Variants in RCN1 observed in about 807,000 individuals in gnomAD.
The protein encoded by RCN1 is reticulocalbin-1.
In RCN1, 14 loss-of-function variants were observed where a neutral mutation model predicts 34.7. That is an observed-to-expected ratio of 0.40 (90% CI 0.27 to 0.63). The LOEUF is 0.63. RCN1 is among the 30% of genes least tolerant of loss of function. The pLI is 0.37. For synonymous variants in RCN1, 125 were observed against 165.5 expected, an observed-to-expected ratio of 0.76 and a Z score of 1.88; for missense variants, 326 against 425.1, an observed-to-expected ratio of 0.77 and a Z score of 2.05.
intron 2 of RCN1, 73 bp downstream of exon 2, chr11:32,097,410 T>A: frequency 9.1e-7 from 1 of 1,104,912 alleles, no homozygotes; most frequent in Non-Finnish European, 1.3e-6. Context: ...CTCTCTTCTC[T>A]TATCATATCC....
chr11:32,098,842 T>G (rs1242176677), intron 3 of RCN1, among the ~76,000 whole-genome samples: 1 of 152,152 alleles, frequency 6.6e-6, no homozygotes, highest in Non-Finnish European at 1.5e-5. Context: ...CTCTGCCATC[T>G]TGTAGCTTCA....
intron 1 of RCN1, among the ~76,000 whole-genome samples, chr11:32,092,588 C>A (rs957298425): frequency 6.6e-6 from 1 of 152,040 alleles, no homozygotes; most frequent in Non-Finnish European, 1.5e-5. Context: ...AACAAAACTT[C>A]GGCGCATTTT....
At chr11:32,104,130 T>G (rs1852079892) in intron 5 of RCN1, among the ~76,000 whole-genome samples, 1 of 152,198 alleles carries the variant, frequency 6.6e-6, no homozygotes, top group Non-Finnish European at 1.5e-5. Context: ...GGATTCTAGC[T>G]TCTGAATTAC....
chr11:32,096,268 T>A (rs1851972123), intron 1 of RCN1, among the ~76,000 whole-genome samples: 3 of 152,164 alleles, frequency 2.0e-5, no homozygotes, highest in Admixed American at 6.5e-5. Flanking sequence ...GTTTTTGAAG[T>A]TCCCCACTGG....
chr11:32,105,654 C>T lies in RCN1; in HGVS notation c.*1182C>T, dbSNP rs1000570390. 6.6e-6 allele frequency: 1 copy of T among 151,986 alleles called. No homozygotes were observed. The highest frequency in any genetic ancestry group is 1.5e-5 in the Non-Finnish European group (1 of 67,996). The allele number at this position is 151,986 out of a possible 1,614,324, so 9.4% of individuals were successfully genotyped here. The stretch of plus-strand genomic sequence containing the variant: ...TTATAAAGGTTCTGGGGTTTTTTTT[C>T]ATCCAATTACTAGAATGTTCAGAAT... On this transcript the variant is annotated 3_prime_UTR_variant, in exon 6 of 6. Coordinates refer to ENST00000054950, the MANE Select transcript of RCN1 (RefSeq NM_002901.4).
chr11:32,095,036 T>C (rs551193629), intron 1 of RCN1, among the ~76,000 whole-genome samples: 5 of 152,302 alleles, frequency 3.3e-5, no homozygotes, highest in African/African-American at 9.6e-5. Flanking sequence ...AAAAGAGGAT[T>C]GTAGAGTCTG....
intron 1 of RCN1, among the ~76,000 whole-genome samples, chr11:32,092,534 A>G (rs1249054524): frequency 6.6e-6 from 1 of 152,026 alleles, no homozygotes; most frequent in Non-Finnish European, 1.5e-5. Flanking sequence ...GAGGATTTTG[A>G]CTTGGGCTGT....
chr11:32,091,689 A>T, intron 1 of RCN1: 1 of 513,292 alleles, frequency 1.9e-6, no homozygotes, highest in African/African-American at 2.1e-5. Context: ...CGGGGAGGCG[A>T]GAACGTGGCA....
At chr11:32,104,318 A>G (rs777966015) in intron 5 of RCN1, 47 bp from the exon 6 acceptor site, 7 of 1,096,774 alleles carry the variant, frequency 6.4e-6, no homozygotes, top group Non-Finnish European at 1.4e-6. Context: ...CAGAACTAGT[A>G]CAGTTACCAG....
Position 32,098,496 on chromosome 11 carries a change from G to T in RCN1, c.595G>T (p.Glu199Ter), listed in dbSNP as rs1304363480. 1.9e-6 allele frequency: 3 copies of T among 1,613,124 alleles called. No individual in the cohort carries two copies. ...GTTCACTGCCTTTCTGCATCCTGAA[G>T]AGTTTGAACATATGAAGGAAATTGT... ...EEFTAFLHPEEFEHMKEIVVL... is the reference protein window; with the variant it reads ...EEFTAFLHPE Residue 199 changes from glutamate to a stop codon, truncating the protein, a stop_gained, in exon 3 of 6, where the codon GAG becomes TAG. Transcript: ENST00000054950. LOFTEE classifies it high-confidence loss of function.
chr11:32,097,668 T>G (rs1851989109), intron 2 of RCN1, among the ~76,000 whole-genome samples: 1 of 152,202 alleles, frequency 6.6e-6, no homozygotes, highest in South Asian at 2.1e-4. Flanking sequence ...TGCTGCCTAA[T>G]TCTGGATAGC....
In RCN1 at chr11:32,100,488, T is replaced by G. The variant is rs79294100; in HGVS notation, c.628-60T>G. The G allele has an allele frequency of 3.6e-3, 4,834 of 1,357,736 alleles. 148 individuals carry two copies. The African/African-American group carries it at 0.056, about 16-fold the overall frequency. The allele number at this position is 1,357,736 out of a possible 1,614,324, so 84.1% of individuals were successfully genotyped here. Reference sequence around the variant, plus strand: ...AGCTGGACAAATGAGGACAATAGAATTCTCAGACTTCTTAGAGCACATGGC... The same window carrying G: ...AGCTGGACAAATGAGGACAATAGAAGTCTCAGACTTCTTAGAGCACATGGC... On this transcript the variant is annotated intron_variant, in intron 3 of 5. Transcript: ENST00000054950.
At position 32,105,063 on chromosome 11, in the gene RCN1, A is replaced by G. The variant is rs1852095366; in HGVS notation, c.*591A>G. The G allele has an allele frequency of 1.2e-5, 2 of 167,146 alleles. No individual in the cohort carries two copies. Among genetic ancestry groups the G allele is most frequent in the African/African-American group, 4.8e-5 (2 of 41,466 alleles). The allele number at this position is 167,146 out of a possible 1,614,324, so 10.4% of individuals were successfully genotyped here. On this transcript the variant is annotated 3_prime_UTR_variant, in exon 6 of 6. Coordinates refer to ENST00000054950, the MANE Select transcript of RCN1 (RefSeq NM_002901.4). The stretch of plus-strand genomic sequence containing the variant: ...TTCCAGTATGGATCTGCTAATATGC[A>G]CAGTAAATCCATGTCTTTGTTTGTT...
chr11:32,092,617 C>T (rs1371054914), intron 1 of RCN1, among the ~76,000 whole-genome samples: 2 of 152,126 alleles, frequency 1.3e-5, no homozygotes, highest in Non-Finnish European at 2.9e-5. Flanking sequence ...CTCCCCGGGT[C>T]CCCTGAGGAA....
In RCN1 at chr11:32,098,546, T is replaced by G. The variant is rs1269703271; in HGVS notation, c.627+18T>G. ...TGGTTTTGGTAAGATAAGTGAAGAG[T>G]CTGGGCTGGGAAGAGACCAGGGAGA... On this transcript the variant is annotated intron_variant, in intron 3 of 5. Transcript: ENST00000054950. 1.9e-6 allele frequency: 3 copies of G among 1,587,388 alleles called. No individual in the cohort carries two copies. The highest frequency in any genetic ancestry group is 2.6e-6 in the Non-Finnish European group (3 of 1,167,588).
chr11:32,103,393 T>C lies in RCN1; in HGVS notation c.801T>C (p.Asp267=), dbSNP rs753707720. The C allele has an allele frequency of 5.6e-6, 9 of 1,602,284 alleles. No homozygotes were observed. In the African/African-American group the frequency reaches 9.4e-5, roughly 17 times the overall value. The part of the protein sequence containing the change: ...DLNKDGKLDK[D]EIRHWILPQD... ...ACAAGGACGGGAAGTTAGACAAAGATGAGATTCGCCACTGGATCCTCCCTC... is the reference window on the plus strand; with the variant it reads ...ACAAGGACGGGAAGTTAGACAAAGACGAGATTCGCCACTGGATCCTCCCTC... Residue 267 remains aspartate (D), a synonymous_variant, in exon 5 of 6, where the codon GAT becomes GAC. Coordinates refer to ENST00000054950, the MANE Select transcript of RCN1 (RefSeq NM_002901.4).
chr11:32,094,461 C>T (rs1247931235), intron 1 of RCN1, among the ~76,000 whole-genome samples: 2 of 152,180 alleles, frequency 1.3e-5, no homozygotes, highest in African/African-American at 4.8e-5. Context: ...GTCGGCCAGC[C>T]CTATTTGGCG....
chr11:32,101,106 A>G (rs1314894371), intron 4 of RCN1, among the ~76,000 whole-genome samples: 1 of 152,224 alleles, frequency 6.6e-6, no homozygotes, highest in Non-Finnish European at 1.5e-5. Flanking sequence ...TACAGAGTGC[A>G]CAATTGCCCA....
intron 1 of RCN1, among the ~76,000 whole-genome samples, chr11:32,093,276 T>A (rs1373298616): frequency 6.6e-6 from 1 of 152,244 alleles, no homozygotes; most frequent in Non-Finnish European, 1.5e-5. Flanking sequence ...ATTCATTTAT[T>A]CATGCAACAA....
Sources: gnomAD v4.1 joint callset for allele counts (sites outside exome capture counted in the v4.1 genomes callset) on GRCh38, gnomAD v4.1.1 for gene constraint, MANE v1.5 for transcripts, NCBI Gene and HGNC (gene_info 2026-07-23, HGNC 2026-07-21) for gene names.